TPR: variants seen among roughly 807,000 people sequenced by gnomAD.
TPR encodes translocated promoter region, nuclear basket protein, also known as nucleoprotein TPR.
A neutral mutation model predicts 316.1 loss-of-function variants in TPR; 51 were observed. The observed-to-expected ratio is 0.16, with a 90% CI of 0.13 to 0.20. The LOEUF is 0.20. Ranked by LOEUF, TPR falls within the 10% of genes least tolerant of loss-of-function variation. The pLI is 1.00. For synonymous variants in TPR, 981 were observed against 914.7 expected (o/e 1.07, Z -1.31); for missense variants, 2,272 against 2,754.8 (o/e 0.82, Z 3.92).
At chr1:186,331,644 T>C in intron 38 of TPR, 63 bp from the exon 39 acceptor site, 2 of 1,101,750 alleles carry the variant, frequency 1.8e-6, no homozygotes, top group Non-Finnish European at 2.5e-6. Context: ...TTACCTGTTT[T>C]TGTTAGTTCT....
chr1:186,314,115 T>C, intron 50 of TPR, 89 bp from the exon 51 acceptor site: 9 of 1,246,886 alleles, frequency 7.2e-6, no homozygotes, highest in South Asian at 1.3e-5. Flanking sequence ...ATAAAAAATA[T>C]CTAGGCATTG....
chr1:186,364,428 G>A (rs1159212404), intron 4 of TPR, among the ~76,000 whole-genome samples: 1 of 151,932 alleles, frequency 6.6e-6, no homozygotes, highest in Non-Finnish European at 1.5e-5. Flanking sequence ...AGCCATCACT[G>A]CAGCTACGCC....
At position 186,318,510 on chromosome 1, in the gene TPR, G is replaced by A; in HGVS notation, c.6758C>T (p.Thr2253Ile). Residue 2253 changes from threonine (T) to isoleucine (I), a missense_variant, in exon 48 of 51, where the codon ACA becomes ATA. Coordinates refer to ENST00000367478, the MANE Select transcript of TPR (RefSeq NM_003292.3). ...MVTTSTGTLS[T>I]TNETATGDDG... The stretch of plus-strand genomic sequence containing the variant: ...ATCACCTGTTGCTGTTTCATTTGTT[G>A]TAGATAAAGTGCCAGTGGATGTAGT... 1 of 1,614,072 alleles carries A rather than the reference G, an allele frequency of 6.2e-7. No homozygotes were observed. Among genetic ancestry groups the A allele is most frequent in the African/African-American group, 1.3e-5 (1 of 75,036 alleles).
At chr1:186,362,662 T>C (rs1263920886) in intron 6 of TPR, among the ~76,000 whole-genome samples, 175 bp downstream of exon 6, 2 of 152,024 alleles carry the variant, frequency 1.3e-5, no homozygotes, top group Non-Finnish European at 2.9e-5. Flanking sequence ...GAATCTTAAA[T>C]TCTTTATGTA....
chr1:186,362,416 C>A, intron 6 of TPR, 36 bp from the exon 7 acceptor site: 2 of 1,514,814 alleles, frequency 1.3e-6, no homozygotes, highest in South Asian at 2.3e-5. Context: ...GAAAGGATGT[C>A]ATATTAACTG....
At chr1:186,362,203 T>TA (rs1216773552) in intron 7 of TPR, 85 bp downstream of exon 7, 26 of 1,157,510 alleles carry the variant, frequency 2.2e-5, no homozygotes, top group Non-Finnish European at 3.2e-5. Context: ...AAGGACAGAT[T>TA]AAAAAATGAC....
chr1:186,358,553 A>T lies in TPR; in HGVS notation c.1487T>A (p.Leu496His). 1 of 1,608,600 alleles carries T rather than the reference A, an allele frequency of 6.2e-7. No homozygotes were observed. Among genetic ancestry groups the T allele is most frequent in the Non-Finnish European group, 8.5e-7 (1 of 1,178,218 alleles). The stretch of plus-strand genomic sequence containing the variant: ...CAAAAAAATTCTAACCTGTTGTGAA[A>T]GATCTTTTACTTGTATTTCCATTCT... The part of the protein sequence containing the change: ...NRRMEIQVKD[L>H]SQQIRVLLME... Residue 496 changes from leucine to histidine, a missense_variant, in exon 13 of 51, where the codon CTT (leucine) becomes CAT (histidine). By Grantham distance (99) the Leu-to-His change is moderately conservative. Around this residue, in one of 10 missense-constraint regions of TPR, gnomAD observed 549 missense variants for 598.6 expected, o/e 0.92. Transcript: ENST00000367478.
chr1:186,338,859 G>C (rs879826502), intron 30 of TPR, among the ~76,000 whole-genome samples: 34 of 151,932 alleles, frequency 2.2e-4, no homozygotes, highest in African/African-American at 8.0e-4. Context: ...GCCTGAATTA[G>C]GTAGTCAATC....
In TPR at chr1:186,358,697, T is replaced by C. The variant is rs1230204163; in HGVS notation, c.1390-47A>G. On this transcript the variant is annotated intron_variant, in intron 12 of 50. Coordinates refer to ENST00000367478, the MANE Select transcript of TPR (RefSeq NM_003292.3). ...GAAAATTTTGTACTTCCTTCTAGGA[T>C]TTATACAAGTAATAAAGACATACAA... The C allele has an allele frequency of 2.0e-6, 3 of 1,494,002 alleles. 1 individual carries two copies. In the Admixed American group the frequency reaches 5.3e-5, roughly 26 times the overall value. The allele number at this position is 1,494,002 out of a possible 1,614,324, so 92.5% of individuals were successfully genotyped here.
chr1:186,314,133 A>G, intron 50 of TPR, 107 bp from the exon 51 acceptor site: 1 of 1,046,418 alleles, frequency 9.6e-7, no homozygotes, highest in Non-Finnish European at 1.4e-6. Context: ...TTGTGGATAT[A>G]AAACTGTTGG....
At chr1:186,372,282 T>C (rs1413931498) in intron 2 of TPR, among the ~76,000 whole-genome samples, 5 of 152,190 alleles carry the variant, frequency 3.3e-5, no homozygotes, top group African/African-American at 1.2e-4. Flanking sequence ...CCAGACACAG[T>C]GGCAATCCCA....
In TPR at chr1:186,361,702, G is replaced by C. The variant is rs1368192203; in HGVS notation, c.878C>G (p.Ala293Gly). 6.2e-7 allele frequency: 1 copy of C among 1,613,226 alleles called. No individual in the cohort carries two copies. The highest frequency in any genetic ancestry group is 2.2e-5 in the East Asian group (1 of 44,864). Residue 293 changes from alanine (A) to glycine (G), a missense_variant, in exon 9 of 51, where the codon GCT becomes GGT. Physicochemically the swap from Ala to Gly is moderately conservative, Grantham distance 60. This residue lies in a region of TPR where 549 missense variants were observed against 598.6 expected (regional missense o/e 0.92). Transcript: ENST00000367478. Reference sequence around the variant, plus strand: ...ATTGCTCTTTGCTTCTGAGTCATCAGCGGCACTCTAAAAGTTAATCTTAAA... The same window carrying C: ...ATTGCTCTTTGCTTCTGAGTCATCACCGGCACTCTAAAAGTTAATCTTAAA... ...IKLSNLYKSA[A>G]DDSEAKSNEL...
At position 186,354,006 on chromosome 1, in the gene TPR, A is replaced by G. The variant is rs542266909; in HGVS notation, c.2172-156T>C. 2.7e-5 allele frequency: 16 copies of G among 594,818 alleles called. No individual in the cohort carries two copies. In the African/African-American group the frequency reaches 2.8e-4, roughly 10 times the overall value. 36.8% of individuals were successfully genotyped at this position (594,818 alleles called of 1,614,324 possible). On this transcript the variant is annotated intron_variant, in intron 17 of 50. Transcript: ENST00000367478. ...ATCATACATATTTCTGTTAAGTTGA[A>G]TTCTGCTTAGAAATAACTCCAGGAA...
At chr1:186,348,744 C>A (rs1361594328) in intron 21 of TPR, among the ~76,000 whole-genome samples, 1 of 152,056 alleles carries the variant, frequency 6.6e-6, no homozygotes, top group Non-Finnish European at 1.5e-5. Flanking sequence ...ATAGAAAGAA[C>A]CTACACTGAA....
rs796092107 is a variant in TPR at position 186,339,622 on chromosome 1, T to TA, written c.4151+19dup. 1 of 1,524,984 alleles carries TA rather than the reference T, an allele frequency of 6.6e-7. No homozygotes were observed. 94.5% of individuals were successfully genotyped at this position (1,524,984 alleles called of 1,614,324 possible). ...AACTTCTTTTATATTATATATGATT[T>TA]AAGGCTTCTTTCCATATACCTTGCA... On this transcript the variant is annotated intron_variant, in intron 30 of 50. Transcript: ENST00000367478.
intron 17 of TPR, 124 bp from the exon 18 acceptor site, chr1:186,353,974 A>C: frequency 1.4e-6 from 1 of 736,518 alleles, no homozygotes; most frequent in Non-Finnish European, 2.2e-6. Context: ...TCTAATCCTA[A>C]TGTAACATCA....
rs543127740 is a variant in TPR, at chr1:186,323,852, G to C, written c.6131C>G (p.Ala2044Gly). Residue 2044 changes from alanine (A) to glycine (G), a missense_variant, in exon 43 of 51, where the codon GCT becomes GGT. By Grantham distance (60) the Ala-to-Gly change is moderately conservative. Transcript: ENST00000367478. ...CTCCTGAGAAAAAGAAGATTCTGCA[G>C]CACCTGTATTTCCTTCACCTGTAGG... is the stretch of plus-strand genomic sequence containing the variant. ...SQNSGEGNTG[A>G]AESSFSQEVS... is the part of the protein sequence containing the mutation. 1 of 1,545,252 alleles carries C rather than the reference G, an allele frequency of 6.5e-7. No individual in the cohort carries two copies. Among genetic ancestry groups the C allele is most frequent in the African/African-American group, 1.4e-5 (1 of 69,644 alleles).
chr1:186,366,882 G>T (rs576421383), intron 4 of TPR, among the ~76,000 whole-genome samples: 2 of 151,648 alleles, frequency 1.3e-5, no homozygotes, highest in Non-Finnish European at 2.9e-5. Context: ...TCGTTTAGTT[G>T]TAACTACCAC....
chr1:186,365,315 C>T (rs1304952386), intron 4 of TPR, among the ~76,000 whole-genome samples: 3 of 151,918 alleles, frequency 2.0e-5, no homozygotes, highest in Non-Finnish European at 2.9e-5. Flanking sequence ...AGGCTAGTCT[C>T]GAACTCCTGA....
Sources: gnomAD v4.1 joint callset for allele counts (sites outside exome capture counted in the v4.1 genomes callset) on GRCh38, gnomAD v4.1.1 for gene constraint, gnomAD v4.1.1 regional missense constraint, MANE v1.5 for transcripts, NCBI Gene and HGNC (gene_info 2026-07-23, HGNC 2026-07-21) for gene names.